BNC2: variants seen among roughly 807,000 people sequenced by gnomAD.
The protein encoded by BNC2 is zinc finger protein basonuclin-2.
Under a neutral mutation model 76.3 loss-of-function variants are expected in BNC2, and 20 were observed. The observed-to-expected ratio is 0.26, with a 90% CI of 0.18 to 0.38. The LOEUF (loss-of-function observed/expected upper bound fraction) is 0.38, where lower values mean the gene tolerates loss of function less well. Ranked by LOEUF, BNC2 falls within the 10% of genes least tolerant of loss-of-function variation. The probability of loss-of-function intolerance (pLI) is 1.00; values close to 1 mark genes in which losing one functional copy is unlikely to be tolerated. For synonymous variants in BNC2, 582 were observed against 514.8 expected (o/e 1.13, Z -1.77); for missense variants, 1,382 against 1,399.8 (o/e 0.99, Z 0.20).
intron 5 of BNC2, among the ~76,000 whole-genome samples, chr9:16,544,712 AG>A (rs1818423820): frequency 1.3e-5 from 2 of 151,604 alleles, no homozygotes. Context: ...TAGGAGGCTG[AG>A]GCAGGAGAAT....
At chr9:16,443,149 G>C (rs941561728) in intron 5 of BNC2, among the ~76,000 whole-genome samples, 9 of 151,204 alleles carry the variant, frequency 6.0e-5, no homozygotes, top group African/African-American at 2.2e-4. Flanking sequence ...TCAAGTTTAA[G>C]GTATAATTTA....
chr9:16,575,366 G>C (rs1184391693), intron 4 of BNC2: 3 of 985,352 alleles, frequency 3.0e-6, no homozygotes, highest in Non-Finnish European at 3.6e-6. Context: ...TGGAGGCCAG[G>C]TCTTGCCAGC....
chr9:16,456,744 T>C (rs543122470), intron 5 of BNC2, among the ~76,000 whole-genome samples: 1 of 152,218 alleles, frequency 6.6e-6, no homozygotes, highest in East Asian at 1.9e-4. Context: ...CATGAAAAAC[T>C]CTAGCAAATT....
At chr9:16,656,570 G>T (rs1268876595) in intron 3 of BNC2, among the ~76,000 whole-genome samples, 1 of 152,124 alleles carries the variant, frequency 6.6e-6, no homozygotes, top group Non-Finnish European at 1.5e-5. Flanking sequence ...GGTGAGTTTG[G>T]ATATATGTAT....
intron 4 of BNC2, among the ~76,000 whole-genome samples, chr9:16,556,236 AGCAATGATTGTGCCACT>A (rs1220607546): frequency 1.3e-5 from 2 of 152,030 alleles, no homozygotes; most frequent in African/African-American, 4.8e-5. Flanking sequence ...GCTGCAGTGG[AGCAATGATTGTGCCACT>A]GCACTTCAGC....
At chr9:16,739,534 T>A (rs919619661) in intron 1 of BNC2, among the ~76,000 whole-genome samples, 12 of 152,132 alleles carry the variant, frequency 7.9e-5, no homozygotes, top group Admixed American at 7.9e-4. Flanking sequence ...TAGCCAGGTG[T>A]AGTGGTGCAT....
intron 1 of BNC2, among the ~76,000 whole-genome samples, chr9:16,774,402 T>C (rs1218332484): frequency 2.0e-5 from 3 of 152,226 alleles, no homozygotes; most frequent in Non-Finnish European, 4.4e-5. Context: ...ACAGTTTCGA[T>C]TCCATTTAAA....
chr9:16,642,921 G>A (rs559916243), intron 3 of BNC2, among the ~76,000 whole-genome samples: 1 of 152,264 alleles, frequency 6.6e-6, no homozygotes, highest in South Asian at 2.1e-4. Context: ...TAAAAATGTA[G>A]ACAAGTTACT....
At chr9:16,580,826 G>A (rs930548865) in intron 4 of BNC2, among the ~76,000 whole-genome samples, 1 of 152,104 alleles carries the variant, frequency 6.6e-6, no homozygotes, top group Non-Finnish European at 1.5e-5. Context: ...TAGTTAGAAA[G>A]GCTTCATATA....
At chr9:16,763,936 A>G (rs1404976011) in intron 1 of BNC2, among the ~76,000 whole-genome samples, 1 of 152,110 alleles carries the variant, frequency 6.6e-6, no homozygotes, top group Non-Finnish European at 1.5e-5. Flanking sequence ...ATCACTCCCT[A>G]CCGGAAGACT....
Position 16,438,313 on chromosome 9 carries a change from G to A in BNC2, c.670-789C>T, listed in dbSNP as rs1434792680. 2.6e-5 allele frequency among the ~76,000 whole-genome samples: 4 copies of A among 152,252 alleles called. No individual in the cohort carries two copies. In the East Asian group the frequency reaches 7.7e-4, roughly 29 times the overall value. On this transcript the variant is annotated intron_variant, in intron 5 of 6. Coordinates refer to ENST00000380672, the MANE Select transcript of BNC2 (RefSeq NM_017637.6). The stretch of plus-strand genomic sequence containing the variant: ...AATGACAGTCATAGATATTTAAAAA[G>A]TAAACATGTGATGGATTTAGACAGA...
chr9:16,794,249 G>T (rs1022314929), intron 1 of BNC2, among the ~76,000 whole-genome samples: 16 of 152,076 alleles, frequency 1.1e-4, no homozygotes, highest in African/African-American at 3.9e-4. Context: ...TCTCACTACC[G>T]TCCCCCAGCA....
intron 4 of BNC2, among the ~76,000 whole-genome samples, chr9:16,576,192 C>T (rs888045523): frequency 3.3e-5 from 5 of 152,194 alleles, no homozygotes; most frequent in Admixed American, 1.3e-4. Flanking sequence ...ATGTTGTTTT[C>T]GTTGGGATAG....
intron 3 of BNC2, among the ~76,000 whole-genome samples, chr9:16,658,572 G>C (rs571623150): frequency 1.3e-5 from 2 of 152,106 alleles, no homozygotes; most frequent in Non-Finnish European, 2.9e-5. Context: ...GCCACAATTA[G>C]AGGGAACAGT....
chr9:16,830,632 A>C (rs1030571088), intron 1 of BNC2, among the ~76,000 whole-genome samples: 3 of 152,214 alleles, frequency 2.0e-5, no homozygotes, highest in African/African-American at 7.2e-5. Context: ...TTTTCATTCA[A>C]GGTGATTGCC....
intron 3 of BNC2, chr9:16,726,965 G>C (rs1322799951): frequency 6.6e-6 from 1 of 152,262 alleles, no homozygotes; most frequent in Non-Finnish European, 1.5e-5. Context: ...GGTACGAGCC[G>C]CCGGCTCCGG....
chr9:16,636,674 A>C (rs1286165608), intron 3 of BNC2, among the ~76,000 whole-genome samples: 2 of 152,182 alleles, frequency 1.3e-5, no homozygotes, highest in African/African-American at 4.8e-5. Context: ...ATCCAGTAAC[A>C]GATTCCAAAT....
chr9:16,418,944 T>C lies in BNC2; in HGVS notation c.*45A>G, dbSNP rs1237009581. 1 of 1,602,184 alleles carries C rather than the reference T, an allele frequency of 6.2e-7. No homozygotes were observed. Among genetic ancestry groups the C allele is most frequent in the South Asian group, 1.1e-5 (1 of 90,776 alleles). On this transcript the variant is annotated 3_prime_UTR_variant, in exon 7 of 7. Transcript: ENST00000380672. ...CACTGACTATGGCAGTTCAAACACG[T>C]AGGCCATCTGGTGAGAGCTGGCATT...
intron 3 of BNC2, among the ~76,000 whole-genome samples, chr9:16,720,994 G>A (rs777646253): frequency 1.3e-5 from 2 of 152,154 alleles, no homozygotes; most frequent in Non-Finnish European, 2.9e-5. Flanking sequence ...TACAGGGAAC[G>A]CACAAATTAA....
Sources: gnomAD v4.1 joint callset for allele counts (sites outside exome capture counted in the v4.1 genomes callset) on GRCh38, gnomAD v4.1.1 for gene constraint, MANE v1.5 for transcripts, NCBI Gene and HGNC (gene_info 2026-07-23, HGNC 2026-07-21) for gene names.